The following STPG2 variants were observed in gnomAD, a reference collection of about 807,000 sequenced individuals.
The protein encoded by STPG2 is sperm tail PG-rich repeat containing 2.
Under a neutral mutation model 54.2 loss-of-function variants are expected in STPG2, and 56 were observed. That is an observed-to-expected ratio of 1.03 (90% confidence interval 0.83 to 1.29). STPG2 has a LOEUF of 1.29. Among genes scored for constraint, STPG2 ranks in the 50% most tolerant of loss-of-function variants. The pLI is 0.00. For synonymous variants in STPG2, 200 were observed against 181.8 expected (o/e 1.10, Z -0.81); for missense variants, 596 against 544.9 (o/e 1.09, Z -0.93).
At chr4:97,713,943 T>A (rs1724210317) in intron 9 of STPG2, among the ~76,000 whole-genome samples, 1 of 152,148 alleles carries the variant, frequency 6.6e-6, no homozygotes, top group African/African-American at 2.4e-5. Flanking sequence ...ATCAAATGTT[T>A]CAAGAGGAGA....
chr4:97,577,017 A>T (rs1560669296), intron 10 of STPG2, among the ~76,000 whole-genome samples: 1 of 152,204 alleles, frequency 6.6e-6, no homozygotes, highest in African/African-American at 2.4e-5. Context: ...CATCAGAGAA[A>T]TGCAGATTGA....
chr4:97,627,663 A>C (rs1024419553), intron 10 of STPG2, among the ~76,000 whole-genome samples: 3 of 152,174 alleles, frequency 2.0e-5, no homozygotes, highest in African/African-American at 7.2e-5. Flanking sequence ...TTCTATAGTA[A>C]AATGTTTAAA....
At position 97,513,932 on chromosome 4, in the gene STPG2, A is replaced by C. The variant is rs143843805; in HGVS notation, c.462+198767T>G. ...AAAAAGAATTGAGGAAATTATTAACAGTGCCCAGTGCTGTAAAAACAAAAT... is the reference window on the plus strand; with the variant it reads ...AAAAAGAATTGAGGAAATTATTAACCGTGCCCAGTGCTGTAAAAACAAAAT... On this transcript the variant is annotated intron_variant, in intron 4 of 4. Transcript: ENST00000522676. Among the ~76,000 whole-genome samples, 14 of 152,276 alleles carry C rather than the reference A, an allele frequency of 9.2e-5. No homozygotes were observed. The East Asian group carries it at 2.7e-3, about 29-fold the overall frequency.
At chr4:98,052,175 G>T (rs565922622) in intron 5 of STPG2, among the ~76,000 whole-genome samples, 1 of 151,826 alleles carries the variant, frequency 6.6e-6, no homozygotes, top group South Asian at 2.1e-4. Context: ...AAAAGGATAT[G>T]ATAGAGATTG....
At chr4:97,922,887 C>A (rs1017676424) in intron 8 of STPG2, among the ~76,000 whole-genome samples, 1 of 117,154 alleles carries the variant, frequency 8.5e-6, no homozygotes, top group Non-Finnish European at 1.7e-5. Flanking sequence ...AACTTTATAA[C>A]ATGAGTATTT....
chr4:97,969,792 G>C (rs536158609), intron 7 of STPG2, among the ~76,000 whole-genome samples: 5 of 152,246 alleles, frequency 3.3e-5, no homozygotes, highest in South Asian at 2.1e-4. Flanking sequence ...ATTCAACATA[G>C]TGTTGGAAGT....
intron 4 of STPG2, among the ~76,000 whole-genome samples, chr4:97,531,866 T>G (rs1056872044): frequency 6.6e-6 from 1 of 152,204 alleles, no homozygotes; most frequent in Non-Finnish European, 1.5e-5. Context: ...ACTAAAAGAA[T>G]ATAATTGGAT....
At chr4:98,095,884 A>C (rs922784256) in intron 5 of STPG2, among the ~76,000 whole-genome samples, 2 of 152,202 alleles carry the variant, frequency 1.3e-5, no homozygotes, top group East Asian at 3.9e-4. Flanking sequence ...CAGCCTATAG[A>C]TCATTCTCAA....
chr4:97,929,086 ATAAG>A (rs1732442096), intron 8 of STPG2, among the ~76,000 whole-genome samples: 1 of 152,072 alleles, frequency 6.6e-6, no homozygotes, highest in South Asian at 2.1e-4. Context: ...CTTTGTGTTT[ATAAG>A]TAACTATCAT....
intron 5 of STPG2, among the ~76,000 whole-genome samples, chr4:98,017,839 T>C (rs1015585342): frequency 4.6e-5 from 7 of 151,976 alleles, no homozygotes; most frequent in African/African-American, 1.7e-4. Flanking sequence ...TGATATCTGA[T>C]GGTTTTAAAA....
chr4:97,689,124 T>C (rs1327192780), intron 10 of STPG2, among the ~76,000 whole-genome samples: 2 of 152,144 alleles, frequency 1.3e-5, no homozygotes, highest in Non-Finnish European at 2.9e-5. Flanking sequence ...TAGTCAACTT[T>C]TTGGTCACAA....
chr4:97,568,629 A>T (rs1732516974), intron 10 of STPG2, among the ~76,000 whole-genome samples: 1 of 152,164 alleles, frequency 6.6e-6, no homozygotes, highest in Admixed American at 6.6e-5. Context: ...AAAGGAGCAA[A>T]GAGCAATAGA....
chr4:97,596,106 C>T (rs945304176), intron 10 of STPG2, among the ~76,000 whole-genome samples: 4 of 151,966 alleles, frequency 2.6e-5, no homozygotes, highest in African/African-American at 9.7e-5. Context: ...AGAAAAAAAT[C>T]AGGGGTTGCT....
At chr4:97,664,600 TC>T (rs1474994053) in intron 10 of STPG2, among the ~76,000 whole-genome samples, 9 of 152,216 alleles carry the variant, frequency 5.9e-5, no homozygotes, top group African/African-American at 2.2e-4. Flanking sequence ...GTTTGATCCA[TC>T]TTAGGCAAGG....
chr4:97,531,035 G>C (rs1294741341), intron 4 of STPG2, among the ~76,000 whole-genome samples: 1 of 152,130 alleles, frequency 6.6e-6, no homozygotes, highest in African/African-American at 2.4e-5. Context: ...ATTTAAAAAT[G>C]GACAAAAGAT....
At position 97,694,624 on chromosome 4, in the gene STPG2, C is replaced by T. The variant is rs767628192; in HGVS notation, c.1320+18075G>A. 3.2e-4 allele frequency among the ~76,000 whole-genome samples: 48 copies of T among 151,178 alleles called. No homozygotes were observed. The Middle Eastern group carries it at 0.01, about 33-fold the overall frequency. On this transcript the variant is annotated intron_variant, in intron 10 of 10. Coordinates refer to ENST00000295268, the MANE Select transcript of STPG2 (RefSeq NM_174952.3). ...GAGATCGATATCATCCTAGTTAACA[C>T]GGTGAAACCCCGTCTCTATTAAAAA...
At chr4:97,546,489 GC>G (rs1403355829) in intron 4 of STPG2, among the ~76,000 whole-genome samples, 1 of 152,048 alleles carries the variant, frequency 6.6e-6, no homozygotes, top group Non-Finnish European at 1.5e-5. Context: ...TATAGTGATA[GC>G]TGAAGATGCT....
intron 4 of STPG2, among the ~76,000 whole-genome samples, chr4:97,517,784 C>A (rs1219060735): frequency 6.6e-6 from 1 of 152,022 alleles, no homozygotes; most frequent in Non-Finnish European, 1.5e-5. Context: ...AAAACAATAA[C>A]TTAAAAGACT....
intron 9 of STPG2, among the ~76,000 whole-genome samples, chr4:97,805,535 C>T (rs546520794): frequency 2.0e-5 from 3 of 152,076 alleles, no homozygotes; most frequent in African/African-American, 4.8e-5. Context: ...TAAAAGATGC[C>T]TCATATGTTT....
Sources: gnomAD v4.1 joint callset for allele counts (sites outside exome capture counted in the v4.1 genomes callset) on GRCh38, gnomAD v4.1.1 for gene constraint, MANE v1.5 for transcripts, NCBI Gene and HGNC (gene_info 2026-07-23, HGNC 2026-07-21) for gene names.